Variants in ADAMTSL1 observed in about 807,000 individuals in gnomAD.
ADAMTSL1 encodes the protein ADAMTS like 1.
ADAMTSL1 carries 126 observed loss-of-function variants against 201.8 expected under a neutral mutation model. The observed-to-expected ratio is 0.62, with a 90% CI of 0.54 to 0.72. The LOEUF (loss-of-function observed/expected upper bound fraction) is 0.72. Among genes scored for constraint, ADAMTSL1 ranks in the 30% least tolerant of loss-of-function variants. The pLI is 0.00. For synonymous variants in ADAMTSL1, 1,121 were observed against 903.4 expected (o/e 1.24, Z -4.32); for missense variants, 2,679 against 2,277.8 (o/e 1.18, Z -3.59).
intron 2 of ADAMTSL1, among the ~76,000 whole-genome samples, chr9:18,166,261 A>C (rs1431127188): frequency 1.3e-5 from 2 of 151,908 alleles, no homozygotes; most frequent in Non-Finnish European, 2.9e-5. Context: ...TGCTTCTGAT[A>C]AATGCTCATT....
intron 2 of ADAMTSL1, among the ~76,000 whole-genome samples, chr9:18,392,014 C>G (rs150808248): frequency 4.0e-5 from 6 of 151,162 alleles, no homozygotes; most frequent in Non-Finnish European, 7.4e-5. Flanking sequence ...TAGTAGAGAC[C>G]GGGGTTTCAC....
intron 2 of ADAMTSL1, among the ~76,000 whole-genome samples, chr9:18,299,551 C>G (rs1025573917): frequency 6.6e-6 from 1 of 152,168 alleles, no homozygotes; most frequent in African/African-American, 2.4e-5. Flanking sequence ...ACACAAGGAA[C>G]AGGCTTATTT....
At chr9:18,396,133 A>G (rs1311739708) in intron 2 of ADAMTSL1, among the ~76,000 whole-genome samples, 2 of 152,202 alleles carry the variant, frequency 1.3e-5, no homozygotes, top group African/African-American at 4.8e-5. Flanking sequence ...ATCCAACCTT[A>G]GAGCACTCTG....
chr9:18,794,629 T>G (rs1474001689), intron 19 of ADAMTSL1, among the ~76,000 whole-genome samples: 1 of 141,974 alleles, frequency 7.0e-6, no homozygotes, highest in African/African-American at 2.6e-5. Context: ...TTTTGTTGTT[T>G]TTTTTTGTTG....
chr9:18,588,765 G>C (rs13294903), intron 4 of ADAMTSL1, among the ~76,000 whole-genome samples: 2 of 151,116 alleles, frequency 1.3e-5, no homozygotes, highest in African/African-American at 4.9e-5. Context: ...TGGGTTGGCT[G>C]TTGGTGCATG....
intron 4 of ADAMTSL1, among the ~76,000 whole-genome samples, chr9:18,605,336 G>T (rs1250768090): frequency 1.3e-5 from 2 of 152,180 alleles, no homozygotes; most frequent in Non-Finnish European, 2.9e-5. Context: ...TACAAAATGA[G>T]CCTTTTTTCC....
intron 4 of ADAMTSL1, among the ~76,000 whole-genome samples, chr9:18,616,574 T>C (rs1360430448): frequency 6.6e-6 from 1 of 150,846 alleles, no homozygotes; most frequent in Non-Finnish European, 1.5e-5. Flanking sequence ...AAAGAACACA[T>C]TATTGCATAC....
At chr9:17,919,012 A>AT (rs1052245855) in intron 1 of ADAMTSL1, among the ~76,000 whole-genome samples, 9 of 151,862 alleles carry the variant, frequency 5.9e-5, no homozygotes, top group African/African-American at 1.9e-4. Context: ...CTGATTTGAG[A>AT]TTTTTTTAAT....
intron 9 of ADAMTSL1, among the ~76,000 whole-genome samples, chr9:18,670,414 G>A (rs1226945549): frequency 6.6e-6 from 1 of 152,198 alleles, no homozygotes; most frequent in Non-Finnish European, 1.5e-5. Flanking sequence ...TCACTAATCT[G>A]TCCTTTCTCT....
intron 2 of ADAMTSL1, among the ~76,000 whole-genome samples, chr9:18,241,883 C>A (rs558216938): frequency 1.3e-5 from 2 of 151,872 alleles, no homozygotes; most frequent in Admixed American, 6.6e-5. Context: ...CAACAAAAAC[C>A]CTTACAGCAA....
At chr9:18,386,333 G>C (rs1837789031) in intron 2 of ADAMTSL1, among the ~76,000 whole-genome samples, 1 of 152,140 alleles carries the variant, frequency 6.6e-6, no homozygotes, top group Non-Finnish European at 1.5e-5. Flanking sequence ...TTTTAGCTCT[G>C]CATGATTTCT....
intron 5 of ADAMTSL1, among the ~76,000 whole-genome samples, chr9:18,626,878 C>CTTTCTTTCTTTCTTTCTTTCTGTCTTT (rs1461320087): frequency 0.045 from 4,026 of 89,028 alleles, 67 homozygotes; most frequent in Non-Finnish European, 0.057. Context: ...TGTCTTTCTT[C>CTTTCTTTCTTTCTTTCTTTCTGTCTTT]CTTCCTTCCT....
chr9:18,583,411 T>A (rs892225707), intron 4 of ADAMTSL1, among the ~76,000 whole-genome samples: 1 of 152,188 alleles, frequency 6.6e-6, no homozygotes, highest in Non-Finnish European at 1.5e-5. Flanking sequence ...CCACCTAGAT[T>A]TCAGAAGATG....
At chr9:18,419,226 T>G (rs781468073) in intron 2 of ADAMTSL1, among the ~76,000 whole-genome samples, 4 of 152,180 alleles carry the variant, frequency 2.6e-5, no homozygotes, top group Non-Finnish European at 5.9e-5. Flanking sequence ...AAGTTCAAAG[T>G]GTAAAACTAT....
intron 14 of ADAMTSL1, among the ~76,000 whole-genome samples, chr9:18,717,145 T>A (rs1832998882): frequency 6.6e-6 from 1 of 150,600 alleles, no homozygotes. Context: ...AGATGACAAG[T>A]TAGTGGGTAC....
At chr9:18,174,878 A>G (rs1389968528) in intron 2 of ADAMTSL1, among the ~76,000 whole-genome samples, 1 of 152,194 alleles carries the variant, frequency 6.6e-6, no homozygotes, top group East Asian at 1.9e-4. Flanking sequence ...TACCCAATGG[A>G]AAGTTTGGGA....
At chr9:18,154,811 G>A (rs1478197817) in intron 1 of ADAMTSL1, among the ~76,000 whole-genome samples, 1 of 152,050 alleles carries the variant, frequency 6.6e-6, no homozygotes, top group African/African-American at 2.4e-5. Context: ...ATTGAAGAAT[G>A]CTTGCTATGC....
At chr9:17,986,470 G>T (rs1282809079) in intron 1 of ADAMTSL1, among the ~76,000 whole-genome samples, 1 of 152,010 alleles carries the variant, frequency 6.6e-6, no homozygotes, top group Non-Finnish European at 1.5e-5. Context: ...AAAACTCAAT[G>T]TGAACAATTA....
intron 2 of ADAMTSL1, among the ~76,000 whole-genome samples, chr9:18,237,025 A>G (rs12002332): frequency 0.33 from 50,340 of 152,070 alleles, 8,480 homozygotes; most frequent in Admixed American, 0.4. Context: ...ATTGCCCTAT[A>G]CATTTTTAAG....
Sources: allele counts gnomAD v4.1 joint callset (sites outside exome capture counted in the v4.1 genomes callset), GRCh38; gene constraint gnomAD v4.1.1; transcripts MANE v1.5; gene names NCBI Gene and HGNC (gene_info 2026-07-23, HGNC 2026-07-21).